Variants in ZFPM2 observed in about 807,000 individuals in gnomAD.
The protein encoded by ZFPM2 is zinc finger protein, FOG family member 2, also known as zinc finger protein ZFPM2.
In ZFPM2, 20 loss-of-function variants were observed where a neutral mutation model predicts 98.6. The observed-to-expected ratio is 0.20, with a 90% CI of 0.14 to 0.29. The LOEUF is 0.29. Ranked by LOEUF, ZFPM2 falls within the 10% of genes least tolerant of loss-of-function variation. The probability of loss-of-function intolerance (pLI) is 1.00; values close to 1 mark genes in which losing one functional copy is unlikely to be tolerated. For synonymous variants in ZFPM2, 518 were observed against 502.7 expected (o/e 1.03, Z -0.41); for missense variants, 1,310 against 1,388.6 (o/e 0.94, Z 0.90).
chr8:105,656,112 T>C (rs1320822551), intron 5 of ZFPM2, among the ~76,000 whole-genome samples: 1 of 152,068 alleles, frequency 6.6e-6, no homozygotes, highest in Non-Finnish European at 1.5e-5. Flanking sequence ...CAAAAATAAA[T>C]AGTAAACCGA....
chr8:105,697,243 T>A (rs1350330749), intron 5 of ZFPM2, among the ~76,000 whole-genome samples: 1 of 152,220 alleles, frequency 6.6e-6, no homozygotes, highest in African/African-American at 2.4e-5. Flanking sequence ...GAGCGCTTAA[T>A]CTTAATTATG....
Position 105,801,351 on chromosome 8 carries a change from C to T in ZFPM2, c.1269C>T (p.Ser423=), listed in dbSNP as rs1445972459. 1 of 1,613,908 alleles carries T rather than the reference C, an allele frequency of 6.2e-7. No individual in the cohort carries two copies. Among genetic ancestry groups the T allele is most frequent in the East Asian group, 2.2e-5 (1 of 44,866 alleles). The part of the protein sequence containing the change: ...DLLTRSELPQ[S]QKAMQTKDAS... ...TGACCAGAAGCGAACTTCCCCAGAGCCAAAAGGCCATGCAGACTAAAGATG... is the reference window on the plus strand; with the variant it reads ...TGACCAGAAGCGAACTTCCCCAGAGTCAAAAGGCCATGCAGACTAAAGATG... The change falls in exon 8 of 8, where the codon AGC becomes AGT. Residue 423 remains serine (S), a synonymous_variant. Transcript: ENST00000407775.
intron 5 of ZFPM2, among the ~76,000 whole-genome samples, chr8:105,765,492 C>T (rs1163168551): frequency 1.3e-5 from 2 of 151,614 alleles, no homozygotes; most frequent in African/African-American, 4.8e-5. Context: ...AATAGATTGT[C>T]CTTTGATCTC....
chr8:105,755,881 A>G (rs532913918), intron 5 of ZFPM2, among the ~76,000 whole-genome samples: 3 of 152,296 alleles, frequency 2.0e-5, no homozygotes, highest in South Asian at 4.1e-4. Context: ...ATCTCTGGCT[A>G]TTAAGATATT....
intron 4 of ZFPM2, among the ~76,000 whole-genome samples, chr8:105,619,846 A>G (rs1266048916): frequency 6.6e-6 from 1 of 152,074 alleles, no homozygotes; most frequent in Non-Finnish European, 1.5e-5. Flanking sequence ...CCATGTCCCT[A>G]CAAAGGACAA....
At chr8:105,565,937 G>A (rs1422432820) in intron 4 of ZFPM2, among the ~76,000 whole-genome samples, 1 of 152,142 alleles carries the variant, frequency 6.6e-6, no homozygotes, top group East Asian at 1.9e-4. Context: ...GTCCAGTTAT[G>A]ACGGCTGGGA....
chr8:105,373,863 A>C (rs1180410894), intron 1 of ZFPM2, among the ~76,000 whole-genome samples: 5 of 152,236 alleles, frequency 3.3e-5, no homozygotes, highest in Non-Finnish European at 7.3e-5. Context: ...GAGACTTTTA[A>C]TAAGCATTTT....
In ZFPM2 at chr8:105,477,115, A is replaced by G. The variant is rs186238956; in HGVS notation, c.301+32734A>G. 2.0e-5 allele frequency among the ~76,000 whole-genome samples: 3 copies of G among 152,148 alleles called. No individual in the cohort carries two copies. In the East Asian group the frequency reaches 5.8e-4, roughly 29 times the overall value. ...ATTAAGATGTTCTTTGACAAGATGTATATTCAACTGATAGTGGATTTTTGG... is the reference window on the plus strand; with the variant it reads ...ATTAAGATGTTCTTTGACAAGATGTGTATTCAACTGATAGTGGATTTTTGG... On this transcript the variant is annotated intron_variant, in intron 3 of 7. Transcript: ENST00000407775.
At chr8:105,534,034 C>CCCTT (rs755274506) in intron 3 of ZFPM2, among the ~76,000 whole-genome samples, 2,553 of 21,638 alleles carry the variant, frequency 0.12, 490 homozygotes, top group African/African-American at 0.26. Flanking sequence ...CTTCCTCCCT[C>CCCTT]CCTCCCTCCC....
chr8:105,489,099 C>G (rs548083808), intron 3 of ZFPM2, among the ~76,000 whole-genome samples: 2 of 152,128 alleles, frequency 1.3e-5, no homozygotes, highest in South Asian at 4.1e-4. Context: ...ATATTCATGA[C>G]TTTCCCATGA....
At chr8:105,514,957 A>G (rs1354249889) in intron 3 of ZFPM2, among the ~76,000 whole-genome samples, 1 of 152,182 alleles carries the variant, frequency 6.6e-6, no homozygotes, top group East Asian at 1.9e-4. Context: ...TGTTAGAGGT[A>G]CATAGCAATT....
At chr8:105,416,907 C>G (rs1266204074) in intron 1 of ZFPM2, among the ~76,000 whole-genome samples, 2 of 151,702 alleles carry the variant, frequency 1.3e-5, no homozygotes, top group Admixed American at 1.3e-4. Flanking sequence ...TGACCATTTT[C>G]TAAGTTACCT....
Position 105,393,348 on chromosome 8 carries a change from T to G in ZFPM2, c.41-25796T>G, listed in dbSNP as rs111853888. Among the ~76,000 whole-genome samples the G allele has an allele frequency of 2.8e-3, 228 of 82,366 alleles. 4 individuals carry two copies. Among genetic ancestry groups the G allele is most frequent in the African/African-American group, 6.7e-3 (129 of 19,226 alleles). The allele number at this position is 82,366 out of a possible 152,430, so 54.0% of individuals were successfully genotyped here. On this transcript the variant is annotated intron_variant, in intron 1 of 7. Coordinates refer to ENST00000407775, the MANE Select transcript of ZFPM2 (RefSeq NM_012082.4). ...TCTCTCTCTCTTTGCCTTTCTTTCT[T>G]TCTTTCTTTCTTTCTTTCTTTCTTT...
chr8:105,456,476 A>T (rs542750310), intron 3 of ZFPM2, among the ~76,000 whole-genome samples: 1 of 151,830 alleles, frequency 6.6e-6, no homozygotes, highest in Non-Finnish European at 1.5e-5. Context: ...CTTCTTTAAA[A>T]CTCTCTGGTA....
At chr8:105,514,307 CTTTTTTTTTTTTTTTTT>C (rs56955237) in intron 3 of ZFPM2, among the ~76,000 whole-genome samples, 4 of 127,544 alleles carry the variant, frequency 3.1e-5, no homozygotes, top group Non-Finnish European at 4.7e-5. Context: ...CTGGTCGTGT[CTTTTTTTTTTTTTTTTT>C]TTTTTTTTTT....
chr8:105,655,637 C>G (rs1224926096), intron 5 of ZFPM2, among the ~76,000 whole-genome samples: 1 of 152,152 alleles, frequency 6.6e-6, no homozygotes, highest in Non-Finnish European at 1.5e-5. Context: ...ATCATTAAAA[C>G]GCTTTATCAT....
intron 4 of ZFPM2, among the ~76,000 whole-genome samples, chr8:105,619,969 G>T (rs1178853748): frequency 6.6e-6 from 1 of 152,118 alleles, no homozygotes; most frequent in African/African-American, 2.4e-5. Flanking sequence ...CTTTGGTCTT[G>T]TGAATAGTGC....
intron 3 of ZFPM2, among the ~76,000 whole-genome samples, chr8:105,522,695 C>T (rs374762425): frequency 2.6e-5 from 4 of 151,694 alleles, no homozygotes; most frequent in Middle Eastern, 3.4e-3. Context: ...CGCTTGAACC[C>T]GGGAGGTGGA....
rs368078735 is a variant in ZFPM2, at chr8:105,802,269, G to A, written c.2187G>A (p.Met729Ile). Residue 729 changes from methionine (M) to isoleucine (I), a missense_variant, in exon 8 of 8, where the codon ATG (methionine) becomes ATA (isoleucine). Physicochemically the swap from Met to Ile is conservative, Grantham distance 10 (BLOSUM62 1). Coordinates refer to ENST00000407775, the MANE Select transcript of ZFPM2 (RefSeq NM_012082.4). The part of the protein sequence containing the change: ...KRSASNKVPA[M>I]QRTMRTRKRR... Reference sequence around the variant, plus strand: ...CTGCTTCCAACAAAGTGCCTGCCATGCAGAGAACCATGCGCACACGCAAGC... The same window carrying A: ...CTGCTTCCAACAAAGTGCCTGCCATACAGAGAACCATGCGCACACGCAAGC... 10 of 1,613,728 alleles carry A rather than the reference G, an allele frequency of 6.2e-6. No homozygotes were observed. Among genetic ancestry groups the A allele is most frequent in the Admixed American group, 3.3e-5 (2 of 59,978 alleles).
Sources: allele counts gnomAD v4.1 joint callset (sites outside exome capture counted in the v4.1 genomes callset), GRCh38; gene constraint gnomAD v4.1.1; transcripts MANE v1.5; gene names NCBI Gene and HGNC (gene_info 2026-07-23, HGNC 2026-07-21).